Variants in SAXO1 observed in about 807,000 individuals in gnomAD.
SAXO1 encodes the protein stabilizer of axonemal microtubules 1, also known as 4930500O09Rik.
Under a neutral mutation model 17.5 loss-of-function variants are expected in SAXO1, and 21 were observed. The observed-to-expected ratio is 1.20, with a 90% CI of 0.85 to 1.72. The LOEUF (loss-of-function observed/expected upper bound fraction) is 1.72, where lower values mean the gene tolerates loss of function less well. Ranked by LOEUF, SAXO1 falls within the 40% of genes most tolerant of loss-of-function variation. SAXO1 has a pLI of 0.00. For missense variants in SAXO1, 843 were observed against 596.0 expected (o/e 1.41, Z -4.32); for synonymous variants, 274 against 216.5 (o/e 1.27, Z -2.33).
intron 1 of SAXO1, among the ~76,000 whole-genome samples, chr9:18,980,817 G>T (rs886379030): frequency 7.8e-6 from 1 of 127,672 alleles, no homozygotes; most frequent in Non-Finnish European, 1.7e-5. Flanking sequence ...AAGCACAGAA[G>T]GGTATAAGGA....
At chr9:18,936,035 A>G (rs1015634260) in intron 3 of SAXO1, among the ~76,000 whole-genome samples, 2 of 152,130 alleles carry the variant, frequency 1.3e-5, no homozygotes, top group Admixed American at 1.3e-4. Flanking sequence ...ATTTTTTTGC[A>G]TACCAGTGGC....
chr9:19,020,508 T>A (rs1388995609), intron 1 of SAXO1, among the ~76,000 whole-genome samples: 1 of 152,062 alleles, frequency 6.6e-6, no homozygotes, highest in Non-Finnish European at 1.5e-5. Flanking sequence ...CGCACCACCA[T>A]AACCAGCTAA....
intron 1 of SAXO1, among the ~76,000 whole-genome samples, chr9:18,960,683 T>A (rs539278315): frequency 6.6e-6 from 1 of 152,154 alleles, no homozygotes; most frequent in Admixed American, 6.5e-5. Flanking sequence ...CTTGGGAAGC[T>A]AAGGCAAAAG....
chr9:19,003,288 G>T (rs886881224), intron 1 of SAXO1, among the ~76,000 whole-genome samples: 1 of 152,248 alleles, frequency 6.6e-6, no homozygotes, highest in Admixed American at 6.5e-5. Flanking sequence ...TGGATAGGAA[G>T]AATCAATATT....
intron 1 of SAXO1, among the ~76,000 whole-genome samples, chr9:19,009,419 G>C (rs1588523353): frequency 6.6e-6 from 1 of 152,190 alleles, no homozygotes; most frequent in East Asian, 1.9e-4. Flanking sequence ...ACTCAACTAG[G>C]AATACCCGGA....
intron 1 of SAXO1, among the ~76,000 whole-genome samples, chr9:19,032,056 G>C (rs956624350): frequency 5.3e-5 from 8 of 152,178 alleles, no homozygotes; most frequent in African/African-American, 1.9e-4. Context: ...TGTTGGTACA[G>C]ATGAGGCGAC....
chr9:18,986,260 T>G (rs892864180), intron 1 of SAXO1, among the ~76,000 whole-genome samples: 46 of 152,226 alleles, frequency 3.0e-4, no homozygotes, highest in African/African-American at 1.1e-3. Context: ...TGGGTTGGTC[T>G]TTTTCATACA....
chr9:18,929,083 A>G, intron 3 of SAXO1, 28 bp from the exon 4 acceptor site: 1 of 1,605,714 alleles, frequency 6.2e-7, no homozygotes, highest in Non-Finnish European at 8.5e-7. Context: ...GAGGTAATTA[A>G]TAATAAATCA....
intron 1 of SAXO1, among the ~76,000 whole-genome samples, chr9:19,047,556 C>A (rs751060460): frequency 6.7e-6 from 1 of 150,166 alleles, no homozygotes. Flanking sequence ...TTGGGCTCAA[C>A]AATGCCAATT....
At chr9:19,020,134 T>A (rs922277063) in intron 1 of SAXO1, among the ~76,000 whole-genome samples, 1 of 152,008 alleles carries the variant, frequency 6.6e-6, no homozygotes, top group Non-Finnish European at 1.5e-5. Flanking sequence ...ACTAAGTTAA[T>A]GCTTCTTCAC....
At chr9:18,952,803 GC>G (rs1832086220) in intron 1 of SAXO1, among the ~76,000 whole-genome samples, 1 of 152,158 alleles carries the variant, frequency 6.6e-6, no homozygotes, top group Non-Finnish European at 1.5e-5. Flanking sequence ...AGAAAAGTGT[GC>G]TTTTTCTTTT....
At chr9:19,026,986 T>C in intron 1 of SAXO1, 1 of 909,610 alleles carries the variant, frequency 1.1e-6, no homozygotes, top group Non-Finnish European at 1.8e-6. Flanking sequence ...ACATGGCTTC[T>C]GGACAGTGAG....
chr9:19,008,541 G>T (rs61415172), intron 1 of SAXO1, among the ~76,000 whole-genome samples: 3,760 of 152,236 alleles, frequency 0.025, 147 homozygotes, highest in African/African-American at 0.083. Context: ...GAGGAGAGAG[G>T]CTTGCCATAT....
chr9:19,027,821 G>T, intron 1 of SAXO1: 2 of 1,488,156 alleles, frequency 1.3e-6, no homozygotes, highest in South Asian at 2.4e-5. Flanking sequence ...TAAGGTAATT[G>T]CAGTCACAAA....
At chr9:18,933,781 T>G (rs1023393943) in intron 3 of SAXO1, among the ~76,000 whole-genome samples, 1 of 152,230 alleles carries the variant, frequency 6.6e-6, no homozygotes, top group African/African-American at 2.4e-5. Context: ...GCACGGTGGC[T>G]CACGCCTGTA....
chr9:18,952,976 G>A (rs559818044), intron 1 of SAXO1, among the ~76,000 whole-genome samples: 1 of 152,284 alleles, frequency 6.6e-6, no homozygotes, highest in South Asian at 2.1e-4. Flanking sequence ...GTAAACCAAT[G>A]ACCCATCGCC....
At chr9:18,951,002 T>C in intron 1 of SAXO1, 65 bp from the exon 2 acceptor site, 2 of 1,465,582 alleles carry the variant, frequency 1.4e-6, no homozygotes, top group Non-Finnish European at 9.3e-7. Context: ...TTCCTAAGAG[T>C]ACTTCCGCCA....
chr9:19,009,864 T>C (rs1834652198), intron 1 of SAXO1, among the ~76,000 whole-genome samples: 1 of 151,564 alleles, frequency 6.6e-6, no homozygotes, highest in South Asian at 2.1e-4. Flanking sequence ...TCTTGCTCTG[T>C]CACCCAGGCT....
At position 19,049,022 on chromosome 9, in the gene SAXO1, C is replaced by T. The variant is rs558911360; in HGVS notation, c.-158+187G>A. 2.6e-5 allele frequency among the ~76,000 whole-genome samples: 4 copies of T among 152,162 alleles called. No homozygotes were observed. Among genetic ancestry groups the T allele is most frequent in the Non-Finnish European group, 2.9e-5 (2 of 68,020 alleles). On this transcript the variant is annotated intron_variant, in intron 1 of 3. Transcript: ENST00000542071. This position sits in a 1 kb window ranked among gnomAD's most constrained non-coding sequence, Gnocchi z 5.4. ...CTGCCCTGCCCTTGTACTCACTGGG[C>T]CGGGCAAGCTGGGGAGGCCTAAGCG...
Sources: allele counts gnomAD v4.1 joint callset (sites outside exome capture counted in the v4.1 genomes callset), GRCh38; gene constraint gnomAD v4.1.1; non-coding constraint Gnocchi (gnomAD v3.1); transcripts MANE v1.5; gene names NCBI Gene and HGNC (gene_info 2026-07-23, HGNC 2026-07-21).